FKTN: variants seen among roughly 807,000 people sequenced by gnomAD.
The protein encoded by FKTN is fukutin.
Under a neutral mutation model 58.6 loss-of-function variants are expected in FKTN, and 47 were observed. That is an observed-to-expected ratio of 0.80 (90% CI 0.63 to 1.02). FKTN has a LOEUF of 1.02. FKTN is among the 50% of genes least tolerant of loss of function. The pLI is 0.00. For synonymous variants in FKTN, 178 were observed against 191.9 expected, an observed-to-expected ratio of 0.93 and a Z score of 0.60; for missense variants, 516 against 537.3, an observed-to-expected ratio of 0.96 and a Z score of 0.39.
Position 105,639,818 on chromosome 9 carries a change from C to G in FKTN, c.*4554C>G. On this transcript the variant is annotated 3_prime_UTR_variant, in exon 11 of 11. Transcript: ENST00000357998. Reference sequence around the variant, plus strand: ...CTCCTAATATTATCCCATATGCTACCTAGTTTGCTGGTCCCAAGCAGTTTA... The same window carrying G: ...CTCCTAATATTATCCCATATGCTACGTAGTTTGCTGGTCCCAAGCAGTTTA... 3.2e-6 allele frequency: 4 copies of G among 1,240,968 alleles called. No homozygotes were observed. In the South Asian group the frequency reaches 1.1e-4, roughly 33 times the overall value. 76.9% of individuals were successfully genotyped at this position (1,240,968 alleles called of 1,614,324 possible).
At chr9:105,602,758 C>T (rs570002566) in intron 5 of FKTN, among the ~76,000 whole-genome samples, 178 of 152,034 alleles carry the variant, frequency 1.2e-3, no homozygotes, top group African/African-American at 3.9e-3. Flanking sequence ...CGGGGTTTCA[C>T]CATATTGGCC....
At chr9:105,580,567 T>C (rs1185769788) in intron 3 of FKTN, among the ~76,000 whole-genome samples, 10 of 99,180 alleles carry the variant, frequency 1.0e-4, no homozygotes, top group Non-Finnish European at 1.2e-4. Context: ...CCTTTGAGGG[T>C]AACCCGACCT....
chr9:105,588,399 C>T (rs1381609474), intron 3 of FKTN, among the ~76,000 whole-genome samples: 1 of 152,156 alleles, frequency 6.6e-6, no homozygotes, highest in African/African-American at 2.4e-5. Context: ...GCATTTCTTT[C>T]AGAACATTCT....
At chr9:105,616,988 A>G (rs1830944022) in intron 8 of FKTN, among the ~76,000 whole-genome samples, 1 of 152,030 alleles carries the variant, frequency 6.6e-6, no homozygotes, top group South Asian at 2.1e-4. Flanking sequence ...GACACTTCAT[A>G]GTCATTTGAC....
At position 105,636,140 on chromosome 9, in the gene FKTN, A is replaced by G. The variant is rs1370717940; in HGVS notation, c.*876A>G. The G allele has an allele frequency of 1.0e-6, 1 of 954,164 alleles. No individual in the cohort carries two copies. Among genetic ancestry groups the G allele is most frequent in the Non-Finnish European group, 1.2e-6 (1 of 801,602 alleles). 59.1% of individuals were successfully genotyped at this position (954,164 alleles called of 1,614,324 possible). A position where few individuals can be genotyped will look rare whatever the true frequency, so the allele number is the denominator to read the frequency against. On this transcript the variant is annotated 3_prime_UTR_variant, in exon 11 of 11. Coordinates refer to ENST00000357998, the MANE Select transcript of FKTN (RefSeq NM_001079802.2). ...TGTTAGGTAAAAATATGAGAAATTC[A>G]TGTACATTTTATATTTTCTGAATTT...
chr9:105,606,800 A>T (rs1828976509), intron 6 of FKTN, among the ~76,000 whole-genome samples: 1 of 151,582 alleles, frequency 6.6e-6, no homozygotes, highest in Non-Finnish European at 1.5e-5. Flanking sequence ...TCGAAACTGA[A>T]GTCTTCTATA....
At chr9:105,575,882 T>C (rs1841583635) in intron 3 of FKTN, among the ~76,000 whole-genome samples, 1 of 152,224 alleles carries the variant, frequency 6.6e-6, no homozygotes. Flanking sequence ...TATGTTGGGC[T>C]TGACCAGTAG....
chr9:105,610,243 A>G (rs1391233840), intron 7 of FKTN, among the ~76,000 whole-genome samples: 2 of 152,060 alleles, frequency 1.3e-5, no homozygotes, highest in African/African-American at 4.8e-5. Flanking sequence ...TTAGAAGCCA[A>G]GACCTGGATG....
chr9:105,600,163 A>C (rs1827621449), intron 4 of FKTN, among the ~76,000 whole-genome samples: 1 of 152,148 alleles, frequency 6.6e-6, no homozygotes, highest in Non-Finnish European at 1.5e-5. Context: ...TAAGGCAGAG[A>C]TTATTGTATT....
rs954401323 is a variant in FKTN at position 105,636,761 on chromosome 9, T to C, written c.*1497T>C. The stretch of plus-strand genomic sequence containing the variant: ...ATTTTCCTCTGACACCAGAGAACAA[T>C]AGTAGTCTCAAGAATGGAAACCTGA... On this transcript the variant is annotated 3_prime_UTR_variant, in exon 11 of 11. Transcript: ENST00000357998. 2.3e-6 allele frequency: 3 copies of C among 1,287,182 alleles called. No individual in the cohort carries two copies. The highest frequency in any genetic ancestry group is 3.0e-5 in the African/African-American group (2 of 65,656). The allele number at this position is 1,287,182 out of a possible 1,614,324, so 79.7% of individuals were successfully genotyped here.
At chr9:105,570,993 T>C (rs1047307598) in intron 1 of FKTN, among the ~76,000 whole-genome samples, 3 of 152,202 alleles carry the variant, frequency 2.0e-5, no homozygotes, top group African/African-American at 7.2e-5. Flanking sequence ...AGAAAGCTTA[T>C]AGTAAATTTG....
At chr9:105,587,355 C>T (rs1844094321) in intron 3 of FKTN, among the ~76,000 whole-genome samples, 1 of 152,106 alleles carries the variant, frequency 6.6e-6, no homozygotes, top group Non-Finnish European at 1.5e-5. Flanking sequence ...TGGCAGTAGT[C>T]ATTCACAGTG....
intron 6 of FKTN, among the ~76,000 whole-genome samples, chr9:105,606,680 A>T (rs751512537): frequency 3.0e-5 from 4 of 132,156 alleles, no homozygotes; most frequent in East Asian, 2.2e-4. Flanking sequence ...TTCTTTTAAA[A>T]ATATATATAT....
In FKTN at chr9:105,636,910, C is replaced by A; in HGVS notation, c.*1646C>A. On this transcript the variant is annotated 3_prime_UTR_variant, in exon 11 of 11. Coordinates refer to ENST00000357998, the MANE Select transcript of FKTN (RefSeq NM_001079802.2). Reference sequence around the variant, plus strand: ...TTGATAAATGATAACCAACAGTCTTCTGTCCTAATTTGCATTCTCAATGCA... The same window carrying A: ...TTGATAAATGATAACCAACAGTCTTATGTCCTAATTTGCATTCTCAATGCA... 6 of 1,082,400 alleles carry A rather than the reference C, an allele frequency of 5.5e-6. No homozygotes were observed. Among genetic ancestry groups the A allele is most frequent in the Non-Finnish European group, 6.9e-6 (6 of 872,666 alleles). The allele number at this position is 1,082,400 out of a possible 1,614,324, so 67.0% of individuals were successfully genotyped here. A position where few individuals can be genotyped will look rare whatever the true frequency, so the allele number is the denominator to read the frequency against.
chr9:105,568,486 A>G (rs1314714848), intron 1 of FKTN, among the ~76,000 whole-genome samples: 1 of 152,222 alleles, frequency 6.6e-6, no homozygotes, highest in African/African-American at 2.4e-5. Flanking sequence ...AAGGATATGA[A>G]CAGACACTTC....
At chr9:105,577,291 T>C (rs1157517373) in intron 3 of FKTN, among the ~76,000 whole-genome samples, 1 of 139,142 alleles carries the variant, frequency 7.2e-6, no homozygotes, top group African/African-American at 2.8e-5. Context: ...CTAGGGTTTT[T>C]ATGGTTTTAG....
chr9:105,593,152 T>C (rs1316197243), intron 3 of FKTN, among the ~76,000 whole-genome samples: 1 of 152,168 alleles, frequency 6.6e-6, no homozygotes, highest in African/African-American at 2.4e-5. Flanking sequence ...TTGGCTTCTG[T>C]GGAGGCCTCA....
At position 105,626,981 on chromosome 9, in the gene FKTN, C is replaced by CTTTTTTTT. The variant is rs60710867; in HGVS notation, c.1172+6929_1172+6936dup. On this transcript the variant is annotated intron_variant, in intron 10 of 10. Coordinates refer to ENST00000357998, the MANE Select transcript of FKTN (RefSeq NM_001079802.2). The stretch of plus-strand genomic sequence containing the variant: ...CCAATTTGTGCCTTTCTTCTTTATT[C>CTTTTTTTT]TTTTTTTTTTTTTTTTGAGACAGAG... 2.5e-3 allele frequency among the ~76,000 whole-genome samples: 314 copies of CTTTTTTTT among 127,990 alleles called. 4 individuals carry two copies. The highest frequency in any genetic ancestry group is 8.9e-3 in the African/African-American group (300 of 33,620). The allele number at this position is 127,990 out of a possible 152,430, so 84.0% of individuals were successfully genotyped here.
At chr9:105,559,527 A>G (rs1442697656) in intron 1 of FKTN, among the ~76,000 whole-genome samples, 1 of 152,078 alleles carries the variant, frequency 6.6e-6, no homozygotes, top group Non-Finnish European at 1.5e-5. Context: ...TACTAAAAAT[A>G]CAACAAATTA....
Sources: allele counts gnomAD v4.1 joint callset (sites outside exome capture counted in the v4.1 genomes callset), GRCh38; gene constraint gnomAD v4.1.1; transcripts MANE v1.5; gene names NCBI Gene and HGNC (gene_info 2026-07-23, HGNC 2026-07-21).